Variants in GK5 observed in about 807,000 individuals in gnomAD.
GK5 encodes the protein glycerol kinase 5, also known as ATP:glycerol 3-phosphotransferase 5.
A neutral mutation model predicts 77.3 loss-of-function variants in GK5; 39 were observed. The observed-to-expected ratio is 0.50, with a 90% CI of 0.39 to 0.66. The LOEUF is 0.66. Among genes scored for constraint, GK5 ranks in the 30% least tolerant of loss-of-function variants. The probability of loss-of-function intolerance (pLI) is 0.00; values close to 1 mark genes in which losing one functional copy is unlikely to be tolerated. For missense variants in GK5, 487 were observed against 633.8 expected, an observed-to-expected ratio of 0.77 and a Z score of 2.49; for synonymous variants, 211 against 208.0, an observed-to-expected ratio of 1.01 and a Z score of -0.13.
chr3:142,174,664 T>C (rs2063583466), intron 12 of GK5, among the ~76,000 whole-genome samples: 1 of 152,178 alleles, frequency 6.6e-6, no homozygotes, highest in African/African-American at 2.4e-5. Context: ...CATCCCCTTC[T>C]AAGGAAACTG....
intron 3 of GK5, among the ~76,000 whole-genome samples, chr3:142,206,750 A>T (rs2064113498): frequency 2.0e-5 from 3 of 152,146 alleles, no homozygotes; most frequent in South Asian, 4.1e-4. Flanking sequence ...TCTCTGAGGG[A>T]TTATCTAATC....
At chr3:142,207,838 G>T (rs1168149245) in intron 3 of GK5, among the ~76,000 whole-genome samples, 1 of 152,082 alleles carries the variant, frequency 6.6e-6, no homozygotes, top group Non-Finnish European at 1.5e-5. Context: ...GCCAGATCAC[G>T]CAATATTCAC....
rs1447515124 is a variant in GK5, at chr3:142,163,502, T to G, written c.*2120A>C. 1 of 152,044 alleles carries G rather than the reference T, an allele frequency of 6.6e-6. No homozygotes were observed. The highest frequency in any genetic ancestry group is 2.4e-5 in the African/African-American group (1 of 41,380). The allele number at this position is 152,044 out of a possible 1,614,324, so 9.4% of individuals were successfully genotyped here. ...GTTTGACCAGGTTGGACTCCTGACC[T>G]CAAATGATCCGCCCACTTCAGCCTG... is the stretch of plus-strand genomic sequence containing the variant. On this transcript the variant is annotated 3_prime_UTR_variant, in exon 16 of 16. Transcript: ENST00000392993.
At chr3:142,211,022 G>A (rs1440483639) in intron 3 of GK5, among the ~76,000 whole-genome samples, 1 of 152,238 alleles carries the variant, frequency 6.6e-6, no homozygotes, top group Non-Finnish European at 1.5e-5. Context: ...GTGGGAGCAG[G>A]GACCCGCAGT....
At chr3:142,210,389 C>T (rs1244846201) in intron 3 of GK5, among the ~76,000 whole-genome samples, 1 of 152,112 alleles carries the variant, frequency 6.6e-6, no homozygotes, top group African/African-American at 2.4e-5. Context: ...TTCTGGCTGG[C>T]CCTGTGCTGT....
Position 142,159,853 on chromosome 3 carries a change from C to CTTTTTTTTTTTTTTTTTTTTTTTTTTTTT in GK5, c.*5768_*5769insAAAAAAAAAAAAAAAAAAAAAAAAAAAAA, listed in dbSNP as rs748129972. On this transcript the variant is annotated 3_prime_UTR_variant, in exon 16 of 16. Transcript: ENST00000392993. ...TTTCTCTCTCTCTCTCTCTCTCTCT[C>CTTTTTTTTTTTTTTTTTTTTTTTTTTTTT]TTTTTTTTTTTTGAGACAGAGTCTC... 6 of 106,124 alleles carry CTTTTTTTTTTTTTTTTTTTTTTTTTTTTT rather than the reference C, an allele frequency of 5.7e-5. 1 individual carries two copies. The highest frequency in any genetic ancestry group is 3.1e-4 in the South Asian group (1 of 3,194). The allele number at this position is 106,124 out of a possible 1,614,324, so 6.6% of individuals were successfully genotyped here. A position where few individuals can be genotyped will look rare whatever the true frequency, so the allele number is the denominator to read the frequency against.
At chr3:142,169,176 A>G (rs1277216175) in intron 15 of GK5, among the ~76,000 whole-genome samples, 1 of 152,216 alleles carries the variant, frequency 6.6e-6, no homozygotes, top group African/African-American at 2.4e-5. Context: ...TTCAATAAAT[A>G]AAAGAATGGA....
intron 1 of GK5, among the ~76,000 whole-genome samples, chr3:142,218,303 C>T (rs1044344433): frequency 1.2e-4 from 18 of 146,334 alleles, no homozygotes; most frequent in African/African-American, 3.6e-4. Flanking sequence ...GAGGCTGAGG[C>T]GGGCATATTG....
At chr3:142,221,558 C>T (rs906482156) in intron 1 of GK5, among the ~76,000 whole-genome samples, 3 of 152,034 alleles carry the variant, frequency 2.0e-5, no homozygotes, top group Non-Finnish European at 4.4e-5. Flanking sequence ...CAACAACCAC[C>T]TAGTCTGTTT....
chr3:142,159,813 A>G lies in GK5; in HGVS notation c.*5809T>C, dbSNP rs1175224168. 1 of 148,438 alleles carries G rather than the reference A, an allele frequency of 6.7e-6. No individual in the cohort carries two copies. The highest frequency in any genetic ancestry group is 2.0e-4 in the East Asian group (1 of 5,128). 9.2% of individuals were successfully genotyped at this position (148,438 alleles called of 1,614,324 possible). On this transcript the variant is annotated 3_prime_UTR_variant, in exon 16 of 16. Transcript: ENST00000392993. ...GGACCAAGTAGGTTGTAAAGGCCCA[A>G]GGTATGTTTGGGGCTTTCTCTCTCT...
Position 142,187,842 on chromosome 3 carries a change from T to C in GK5, c.544-63A>G, listed in dbSNP as rs550637659. ...CTAAATTACTAAGTGCATGATTAAA[T>C]GCAGATCAGTGATACAATATAAACC... On this transcript the variant is annotated intron_variant, in intron 5 of 15. Transcript: ENST00000392993. The C allele has an allele frequency of 2.0e-4, 228 of 1,148,836 alleles. No individual in the cohort carries two copies. The East Asian group carries it at 5.1e-3, about 26-fold the overall frequency. 71.2% of individuals were successfully genotyped at this position (1,148,836 alleles called of 1,614,324 possible). A position where few individuals can be genotyped will look rare whatever the true frequency, so the allele number is the denominator to read the frequency against.
At chr3:142,218,390 A>AAC (rs1003466359) in intron 1 of GK5, among the ~76,000 whole-genome samples, 6 of 150,822 alleles carry the variant, frequency 4.0e-5, no homozygotes, top group African/African-American at 1.5e-4. Context: ...AAAAAAAAAA[A>AAC]AAAATAGCTG....
In GK5 at chr3:142,177,870, T is replaced by C. The variant is rs1168696058; in HGVS notation, c.1049-294A>G. Among the ~76,000 whole-genome samples, 29 of 150,718 alleles carry C rather than the reference T, an allele frequency of 1.9e-4. 2 individuals carry two copies. The highest frequency in any genetic ancestry group is 1.5e-5 in the Non-Finnish European group (1 of 67,648). On this transcript the variant is annotated intron_variant, in intron 11 of 15. Transcript: ENST00000392993. ...TACGTTTTTTTTCTTTTTTTTTTTT[T>C]TTTTTGAGACGGAGTTTCACTCTTG...
intron 1 of GK5, among the ~76,000 whole-genome samples, chr3:142,223,011 C>T (rs1003108209): frequency 4.6e-5 from 7 of 152,208 alleles, no homozygotes; most frequent in African/African-American, 1.7e-4. Context: ...TACGACTGTG[C>T]TTTATCCGGG....
intron 5 of GK5, among the ~76,000 whole-genome samples, chr3:142,192,901 G>A (rs1404765993): frequency 1.3e-5 from 2 of 152,058 alleles, no homozygotes; most frequent in African/African-American, 4.8e-5. Flanking sequence ...CTAAGTGAAA[G>A]AAGCCAGTCT....
At chr3:142,169,757 C>T (rs926389628) in intron 15 of GK5, among the ~76,000 whole-genome samples, 5 of 149,460 alleles carry the variant, frequency 3.3e-5, no homozygotes, top group Non-Finnish European at 5.9e-5. Context: ...CTGCAACCTT[C>T]GCCTTCCCAG....
intron 5 of GK5, among the ~76,000 whole-genome samples, chr3:142,191,348 G>C (rs2063847630): frequency 6.6e-6 from 1 of 151,734 alleles, no homozygotes; most frequent in South Asian, 2.1e-4. Flanking sequence ...TAATTTAAAG[G>C]ACTAGTTAAA....
chr3:142,169,669 C>CTTTTTTTT (rs71304258), intron 15 of GK5, among the ~76,000 whole-genome samples: 3 of 116,930 alleles, frequency 2.6e-5, no homozygotes, highest in Admixed American at 1.8e-4. Flanking sequence ...CCTTACTGTT[C>CTTTTTTTT]TTTTTTTTTT....
At chr3:142,204,927 TTTC>T (rs1337760426) in intron 3 of GK5, 139 bp from the exon 4 acceptor site, 8 of 600,840 alleles carry the variant, frequency 1.3e-5, no homozygotes, top group African/African-American at 1.1e-4. Context: ...TTCTGAATGA[TTTC>T]TTCTTGATTT....
Sources: allele counts gnomAD v4.1 joint callset (sites outside exome capture counted in the v4.1 genomes callset), GRCh38; gene constraint gnomAD v4.1.1; transcripts MANE v1.5; gene names NCBI Gene and HGNC (gene_info 2026-07-23, HGNC 2026-07-21).